The following GRIN2A variants were observed in gnomAD, a reference collection of about 807,000 sequenced individuals.
GRIN2A encodes glutamate ionotropic receptor NMDA type subunit 2A.
In GRIN2A, 22 loss-of-function variants were observed where a neutral mutation model predicts 113.4. That is an observed-to-expected ratio of 0.19 (90% CI 0.14 to 0.28). The LOEUF is 0.28. Among genes scored for constraint, GRIN2A ranks in the 10% least tolerant of loss-of-function variants. The pLI is 1.00. For synonymous variants in GRIN2A, 827 were observed against 738.4 expected (o/e 1.12, Z -1.94); for missense variants, 1,502 against 1,887.0 (o/e 0.80, Z 3.78).
intron 11 of GRIN2A, among the ~76,000 whole-genome samples, chr16:9,769,451 C>CTTTTTTTTTTTTTTTTTTTTTTTTTT (rs34847596): frequency 1.9e-5 from 2 of 104,890 alleles, no homozygotes; most frequent in Admixed American, 1.1e-4. Flanking sequence ...GGAGTTTTGT[C>CTTTTTTTTTTTTTTTTTTTTTTTTTT]TTTTTTTTTT....
At chr16:9,842,951 A>AGAG (rs1555495122) in intron 5 of GRIN2A, among the ~76,000 whole-genome samples, 4 of 145,234 alleles carry the variant, frequency 2.8e-5, no homozygotes, top group African/African-American at 7.8e-5. Context: ...GAAAGAAAGA[A>AGAG]AGAGAGAGAG....
rs957013105 is a variant in GRIN2A at position 10,180,670 on chromosome 16, G to C, written c.-18-241C>G. On this transcript the variant is annotated intron_variant, in intron 1 of 12. Transcript: ENST00000330684. The surrounding 1 kb of genome is among the most constrained non-coding windows in gnomAD (Gnocchi z 7.0). ...ATCCCCCAGCCCCTTCTCGCATCCA[G>C]CTTCCTCATCCCCTGTCTCCAGGCA... 24 of 632,526 alleles carry C rather than the reference G, an allele frequency of 3.8e-5. No homozygotes were observed. The highest frequency in any genetic ancestry group is 6.0e-5 in the Admixed American group (2 of 33,584). 39.2% of individuals were successfully genotyped at this position (632,526 alleles called of 1,614,324 possible). A position where few individuals can be genotyped will look rare whatever the true frequency, so the allele number is the denominator to read the frequency against.
At chr16:9,957,848 C>A (rs1274290668) in intron 2 of GRIN2A, among the ~76,000 whole-genome samples, 1 of 152,192 alleles carries the variant, frequency 6.6e-6, no homozygotes, top group East Asian at 1.9e-4. Flanking sequence ...GTGAACATCA[C>A]CTGGGCCTCT....
intron 2 of GRIN2A, among the ~76,000 whole-genome samples, chr16:10,093,650 A>T (rs2048228989): frequency 6.6e-6 from 1 of 151,980 alleles, no homozygotes; most frequent in African/African-American, 2.4e-5. Flanking sequence ...TTTGCAGTAG[A>T]TTGCATGATT....
intron 2 of GRIN2A, among the ~76,000 whole-genome samples, chr16:10,000,720 G>T (rs568632225): frequency 2.6e-5 from 4 of 152,284 alleles, no homozygotes; most frequent in African/African-American, 9.6e-5. Flanking sequence ...GTTTTGGACA[G>T]CACCTTGTAA....
chr16:9,826,571 T>C (rs2042391912), intron 9 of GRIN2A, among the ~76,000 whole-genome samples: 1 of 152,084 alleles, frequency 6.6e-6, no homozygotes, highest in African/African-American at 2.4e-5. Context: ...CCAACCACAG[T>C]GTACAATAAA....
At chr16:10,107,134 T>A (rs1414935810) in intron 2 of GRIN2A, among the ~76,000 whole-genome samples, 1 of 152,164 alleles carries the variant, frequency 6.6e-6, no homozygotes, top group Non-Finnish European at 1.5e-5. Flanking sequence ...ATTGAAGGAA[T>A]GTTGAACCAA....
At chr16:9,988,086 T>G (rs892136777) in intron 2 of GRIN2A, among the ~76,000 whole-genome samples, 34 of 152,214 alleles carry the variant, frequency 2.2e-4, no homozygotes, top group African/African-American at 7.9e-4. Flanking sequence ...AAAGCCCATA[T>G]GGCTTCCACA....
intron 2 of GRIN2A, among the ~76,000 whole-genome samples, chr16:9,940,896 C>A (rs573011330): frequency 5.3e-5 from 8 of 152,192 alleles, no homozygotes; most frequent in South Asian, 2.1e-4. Context: ...ATAAAAAAAA[C>A]CACCAACAGA....
chr16:9,820,738 T>C (rs149821286), intron 10 of GRIN2A, among the ~76,000 whole-genome samples: 28 of 152,202 alleles, frequency 1.8e-4, no homozygotes, highest in African/African-American at 6.7e-4. Flanking sequence ...AGATATTGAC[T>C]GGAAGAGGGT....
intron 2 of GRIN2A, among the ~76,000 whole-genome samples, chr16:10,066,283 C>T (rs1283603041): frequency 6.6e-6 from 1 of 152,174 alleles, no homozygotes; most frequent in African/African-American, 2.4e-5. Context: ...TGAACACTAG[C>T]TCACGAAGTG....
At chr16:10,115,488 A>T (rs1868770179) in intron 2 of GRIN2A, among the ~76,000 whole-genome samples, 1 of 152,236 alleles carries the variant, frequency 6.6e-6, no homozygotes, top group South Asian at 2.1e-4. Flanking sequence ...CAGAGCATCC[A>T]TCCATGTGCA....
rs115584808 is a variant in GRIN2A, at chr16:10,163,824, A to T, written c.414+16174T>A. Among the ~76,000 whole-genome samples, 379 of 152,358 alleles carry T rather than the reference A, an allele frequency of 2.5e-3. 1 individual carries two copies. Among genetic ancestry groups the T allele is most frequent in the African/African-American group, 8.7e-3 (360 of 41,590 alleles). On this transcript the variant is annotated intron_variant, in intron 2 of 12. Transcript: ENST00000330684. ...CCCACTTTTGTTTAAAACTCATTTTACTGCCCCCTGCCACCTGGGCAATAT... is the reference window on the plus strand; with the variant it reads ...CCCACTTTTGTTTAAAACTCATTTTTCTGCCCCCTGCCACCTGGGCAATAT...
chr16:10,137,114 G>T (rs1330387964), intron 2 of GRIN2A, among the ~76,000 whole-genome samples: 1 of 152,112 alleles, frequency 6.6e-6, no homozygotes, highest in Non-Finnish European at 1.5e-5. Flanking sequence ...CACTCCCCCT[G>T]CAGGTGGGCT....
intron 2 of GRIN2A, among the ~76,000 whole-genome samples, chr16:10,091,334 C>T (rs72774179): frequency 0.084 from 12,841 of 152,102 alleles, 703 homozygotes; most frequent in Non-Finnish European, 0.13. Flanking sequence ...GTTGGCTGGG[C>T]GCAGTGGATC....
chr16:9,975,310 GGA>G (rs1310416154), intron 2 of GRIN2A, among the ~76,000 whole-genome samples: 5 of 152,226 alleles, frequency 3.3e-5, no homozygotes, highest in African/African-American at 1.2e-4. Flanking sequence ...ACCTAAAAAC[GGA>G]GAGATTATCC....
intron 2 of GRIN2A, among the ~76,000 whole-genome samples, chr16:9,994,263 C>A (rs183076082): frequency 1.1e-4 from 17 of 152,138 alleles, no homozygotes; most frequent in Non-Finnish European, 2.1e-4. Flanking sequence ...TTTGTCAGTT[C>A]CTGGATAGTT....
chr16:9,979,963 T>C (rs1389667067), intron 2 of GRIN2A, among the ~76,000 whole-genome samples: 3 of 151,462 alleles, frequency 2.0e-5, no homozygotes, highest in Non-Finnish European at 4.4e-5. Context: ...AATTCCCCTA[T>C]ATAACTAGGG....
chr16:10,136,010 A>C (rs1036493999), intron 2 of GRIN2A, among the ~76,000 whole-genome samples: 2 of 152,096 alleles, frequency 1.3e-5, no homozygotes, highest in Admixed American at 1.3e-4. Flanking sequence ...GCATTCCTCT[A>C]TCTCCTCCCC....
Sources: gnomAD v4.1 joint callset for allele counts (sites outside exome capture counted in the v4.1 genomes callset) on GRCh38, gnomAD v4.1.1 for gene constraint, Gnocchi (gnomAD v3.1) non-coding constraint, MANE v1.5 for transcripts, NCBI Gene and HGNC (gene_info 2026-07-23, HGNC 2026-07-21) for gene names.